MAP2K3: variants seen among roughly 807,000 people sequenced by gnomAD.
The protein encoded by MAP2K3 is mitogen-activated protein kinase kinase 3.
Under a neutral mutation model 46.4 loss-of-function variants are expected in MAP2K3, and 30 were observed. The ratio of observed to expected loss-of-function variants is 0.65; its 90% CI spans 0.48 to 0.88. The LOEUF is 0.88. MAP2K3 is among the 40% of genes least tolerant of loss of function. MAP2K3 has a pLI of 0.00. For synonymous variants in MAP2K3, 189 were observed against 176.3 expected (o/e 1.07, Z -0.57); for missense variants, 380 against 464.5 (o/e 0.82, Z 1.67).
At chr17:21,297,060 A>G (rs1015678601) in intron 1 of MAP2K3, among the ~76,000 whole-genome samples, 6 of 152,426 alleles carry the variant, frequency 3.9e-5, no homozygotes, top group Admixed American at 3.9e-4. Context: ...CCCAGGATGG[A>G]CCCTGGGACC....
At chr17:21,302,324 C>A in intron 6 of MAP2K3, 65 bp downstream of exon 6, 1 of 1,506,156 alleles carries the variant, frequency 6.6e-7, no homozygotes, top group Non-Finnish European at 9.2e-7. Flanking sequence ...GCCCTGCCAG[C>A]AGGCATGGAG....
chr17:21,290,277 C>T (rs572405447), intron 1 of MAP2K3, among the ~76,000 whole-genome samples: 5 of 152,218 alleles, frequency 3.3e-5, no homozygotes, highest in East Asian at 1.9e-4. Flanking sequence ...CTGAGGCACA[C>T]GTTGGAGGCC....
At chr17:21,305,626 C>T (rs1407990897) in intron 9 of MAP2K3, among the ~76,000 whole-genome samples, 1 of 3,858 alleles carries the variant, frequency 2.6e-4, no homozygotes, top group Non-Finnish European at 6.3e-4. Context: ...GGCAGAAGTC[C>T]GAAGTCCAGG....
At position 21,299,150 on chromosome 17, in the gene MAP2K3, C is replaced by T. The variant is rs571327316; in HGVS notation, c.165+224C>T. On this transcript the variant is annotated intron_variant, in intron 3 of 11. Transcript: ENST00000342679. ...CATCGGCTGCCTGACTGGAGCTTGGCGAGCCCAGAGCTGGTAGGAAGGTTT... is the reference window on the plus strand; with the variant it reads ...CATCGGCTGCCTGACTGGAGCTTGGTGAGCCCAGAGCTGGTAGGAAGGTTT... Among the ~76,000 whole-genome samples the T allele has an allele frequency of 2.0e-4, 31 of 152,406 alleles. No homozygotes were observed. The South Asian group carries it at 3.7e-3, about 18-fold the overall frequency.
chr17:21,306,563 C>T lies in MAP2K3; in HGVS notation c.774+1435C>T, dbSNP rs544318922. Among the ~76,000 whole-genome samples the T allele has an allele frequency of 7.9e-5, 12 of 152,402 alleles. No homozygotes were observed. In the South Asian group the frequency reaches 2.5e-3, roughly 32 times the overall value. On this transcript the variant is annotated intron_variant, in intron 9 of 11. Coordinates refer to ENST00000342679, the MANE Select transcript of MAP2K3 (RefSeq NM_145109.3). ...ATGCAGTGGCACAATCTTAGCTCAC[C>T]GTAACCTCTGCCTCCTGGGTTCAAG...
At chr17:21,303,068 T>A in intron 6 of MAP2K3, 115 bp from the exon 7 acceptor site, 3 of 1,375,140 alleles carry the variant, frequency 2.2e-6, no homozygotes, top group Non-Finnish European at 3.0e-6. Context: ...GCGTAGCCTG[T>A]GCAGCGGGAG....
rs889093120 is a variant in MAP2K3 at position 21,284,780 on chromosome 17, T to TCGCCGC, written c.-119_-114dup. The TCGCCGC allele has an allele frequency of 3.8e-4, 347 of 902,338 alleles. No homozygotes were observed. In the East Asian group the frequency reaches 6.0e-3, roughly 16 times the overall value. The allele number at this position is 902,338 out of a possible 1,614,324, so 55.9% of individuals were successfully genotyped here. A position where few individuals can be genotyped will look rare whatever the true frequency, so the allele number is the denominator to read the frequency against. On this transcript the variant is annotated 5_prime_UTR_variant, in exon 1 of 12. Transcript: ENST00000342679. Reference sequence around the variant, plus strand: ...GTCGCCGCCGCAGTCCTCGCCGCAGTCGCCGCCGCCGCCGCCGCCGCCGCC... The same window carrying TCGCCGC: ...GTCGCCGCCGCAGTCCTCGCCGCAGTCGCCGCCGCCGCCGCCGCCGCCGCCGCCGCC...
intron 1 of MAP2K3, among the ~76,000 whole-genome samples, chr17:21,295,116 A>T (rs1003259788): frequency 6.6e-6 from 1 of 152,310 alleles, no homozygotes; most frequent in Non-Finnish European, 1.5e-5. Flanking sequence ...CACAGGGAAG[A>T]GCATTTCAGG....
At chr17:21,312,925 A>G (rs1277728673) in intron 10 of MAP2K3, among the ~76,000 whole-genome samples, 1 of 152,044 alleles carries the variant, frequency 6.6e-6, no homozygotes, top group Non-Finnish European at 1.5e-5. Flanking sequence ...TCTCAAAAAA[A>G]AAAAAAAATC....
At chr17:21,302,652 G>A (rs1976672780) in intron 6 of MAP2K3, among the ~76,000 whole-genome samples, 1 of 152,306 alleles carries the variant, frequency 6.6e-6, no homozygotes. Context: ...CAAAATGTGT[G>A]CTTTTTGAGT....
At chr17:21,309,578 A>G (rs1977065811) in intron 9 of MAP2K3, among the ~76,000 whole-genome samples, 1 of 152,022 alleles carries the variant, frequency 6.6e-6, no homozygotes, top group African/African-American at 2.4e-5. Context: ...AATACGTTTT[A>G]TTAAAATTTA....
chr17:21,303,061 T>C, intron 6 of MAP2K3, 122 bp from the exon 7 acceptor site: 1 of 1,321,380 alleles, frequency 7.6e-7, no homozygotes, highest in Non-Finnish European at 1.1e-6. Context: ...AGAGGGTGCG[T>C]AGCCTGTGCA....
chr17:21,290,290 C>T (rs1975850729), intron 1 of MAP2K3, among the ~76,000 whole-genome samples: 1 of 152,192 alleles, frequency 6.6e-6, no homozygotes, highest in African/African-American at 2.4e-5. Flanking sequence ...TGGAGGCCTG[C>T]CCAGGACGGC....
chr17:21,306,108 G>C (rs530304902), intron 9 of MAP2K3, among the ~76,000 whole-genome samples: 132 of 152,330 alleles, frequency 8.7e-4, no homozygotes, highest in African/African-American at 3.0e-3. Context: ...CTGCAGTTCC[G>C]TTCGGTTCTG....
chr17:21,304,195 G>C (rs1285942133), intron 7 of MAP2K3, among the ~76,000 whole-genome samples: 4 of 152,312 alleles, frequency 2.6e-5, no homozygotes, highest in African/African-American at 2.4e-5. Context: ...GGCTGGGCAC[G>C]TCCTGGCTGT....
chr17:21,304,350 C>T (rs920759751), intron 7 of MAP2K3, 76 bp from the exon 8 acceptor site: 14 of 1,608,970 alleles, frequency 8.7e-6, no homozygotes, highest in Admixed American at 1.7e-5. Flanking sequence ...GGGAGGGGGG[C>T]ACAGCTATGC....
chr17:21,313,370 T>A (rs1488256113), intron 10 of MAP2K3, 122 bp from the exon 11 acceptor site: 2 of 742,870 alleles, frequency 2.7e-6, no homozygotes, highest in Non-Finnish European at 4.6e-6. Flanking sequence ...CTGTCCCTTC[T>A]TCCCTGGGTG....
intron 11 of MAP2K3, chr17:21,313,783 A>G: frequency 1.7e-6 from 1 of 583,974 alleles, no homozygotes; most frequent in Non-Finnish European, 3.1e-6. Context: ...CAGAGGGGCC[A>G]AGGGTGGCAT....
rs149493377 is a variant in MAP2K3, at chr17:21,286,779, C to T, written c.49+1810C>T. Among the ~76,000 whole-genome samples the T allele has an allele frequency of 8.7e-4, 132 of 152,242 alleles. 2 individuals carry two copies. The highest frequency in any genetic ancestry group is 6.0e-4 in the Non-Finnish European group (41 of 68,006). On this transcript the variant is annotated intron_variant, in intron 1 of 11. Transcript: ENST00000342679. ...TGCAGTGAGAATGCTGTGAGAGGGCCAAAATGAACTTCTAGATGTGGACCC... is the reference window on the plus strand; with the variant it reads ...TGCAGTGAGAATGCTGTGAGAGGGCTAAAATGAACTTCTAGATGTGGACCC...
Sources: allele counts gnomAD v4.1 joint callset (sites outside exome capture counted in the v4.1 genomes callset), GRCh38; gene constraint gnomAD v4.1.1; transcripts MANE v1.5; gene names NCBI Gene and HGNC (gene_info 2026-07-23, HGNC 2026-07-21).